Variants in MYSM1 observed in about 807,000 individuals in gnomAD.
The protein encoded by MYSM1 is Myb like, SWIRM and MPN domains 1, also known as deubiquitinase MYSM1.
In MYSM1, 51 loss-of-function variants were observed where a neutral mutation model predicts 116.0. That is an observed-to-expected ratio of 0.44 (90% CI 0.35 to 0.56). MYSM1 has a LOEUF of 0.56. Ranked by LOEUF, MYSM1 falls within the 20% of genes least tolerant of loss-of-function variation. MYSM1 has a pLI of 0.00. For synonymous variants in MYSM1, 313 were observed against 315.2 expected (o/e 0.99, Z 0.07); for missense variants, 900 against 974.9 (o/e 0.92, Z 1.02).
At chr1:58,680,840 G>A (rs1423587750) in intron 8 of MYSM1, among the ~76,000 whole-genome samples, 1 of 100,434 alleles carries the variant, frequency 1.0e-5, no homozygotes, top group African/African-American at 3.7e-5. Flanking sequence ...TTTTTTTTTT[G>A]AGATGAAGTC....
Position 58,689,114 on chromosome 1 carries a change from AC to A in MYSM1, c.322del (p.Val108TyrfsTer12). On this transcript the variant is annotated frameshift_variant and splice_region_variant, in exon 6 of 20. Coordinates refer to ENST00000472487, the MANE Select transcript of MYSM1 (RefSeq NM_001085487.3). LOFTEE classifies it high-confidence loss of function. ...KSLQKTAKIMVHSPTKPASYS... is the reference protein window; with the variant it reads ...KSLQKTAKIMXHSPTKPASYS... ...ACTGGCTGGTTTTGTAGGAGAGTGT[AC>A]CCTGAGGGGAAAAAAAGGAATTGCA... 1 of 1,590,468 alleles carries A rather than the reference AC, an allele frequency of 6.3e-7. No homozygotes were observed. Among genetic ancestry groups the A allele is most frequent in the Non-Finnish European group, 8.5e-7 (1 of 1,174,466 alleles).
At position 58,676,989 on chromosome 1, in the gene MYSM1, C is replaced by T; in HGVS notation, c.1327G>A (p.Val443Ile). ...GTATGAATCCGTCCAATACAATTAACATCTCCACAGTTCTTCAGGCCAGGA... is the reference window on the plus strand; with the variant it reads ...GTATGAATCCGTCCAATACAATTAATATCTCCACAGTTCTTCAGGCCAGGA... ...VRPGLKNCGD[V>I]NCIGRIHTYL... The change falls in exon 9 of 20, where the codon GTT becomes ATT. Residue 443 changes from valine to isoleucine, a missense_variant. Val to Ile is a conservative substitution (Grantham distance 29). This residue lies in a region of MYSM1 where 622 missense variants were observed against 623.7 expected (regional missense o/e 1.00). Coordinates refer to ENST00000472487, the MANE Select transcript of MYSM1 (RefSeq NM_001085487.3). The T allele has an allele frequency of 1.2e-6, 2 of 1,612,376 alleles. No individual in the cohort carries two copies. Among genetic ancestry groups the T allele is most frequent in the Non-Finnish European group, 1.7e-6 (2 of 1,179,200 alleles).
At chr1:58,660,600 C>CA (rs369913628) in intron 19 of MYSM1, among the ~76,000 whole-genome samples, 50 of 151,916 alleles carry the variant, frequency 3.3e-4, no homozygotes, top group African/African-American at 1.1e-3. Context: ...CAACAACACA[C>CA]AAAAAACTGG....
intron 2 of MYSM1, 134 bp from the exon 3 acceptor site, chr1:58,693,065 T>C (rs926801344): frequency 3.0e-6 from 2 of 663,682 alleles, no homozygotes; most frequent in African/African-American, 1.9e-5. Flanking sequence ...AGACATATTT[T>C]TGATTACCAC....
chr1:58,681,717 T>C, intron 8 of MYSM1, 68 bp downstream of exon 8: 1 of 1,407,546 alleles, frequency 7.1e-7, no homozygotes, highest in Non-Finnish European at 9.5e-7. Context: ...AAATTCTGTA[T>C]AGGCCTAATT....
intron 2 of MYSM1, among the ~76,000 whole-genome samples, chr1:58,694,282 T>G (rs10489540): frequency 6.6e-5 from 10 of 152,108 alleles, no homozygotes; most frequent in Middle Eastern, 3.4e-3. Context: ...GTAGTCGTAT[T>G]CTCCAAGCCT....
Position 58,689,108 on chromosome 1 carries a change from G to C in MYSM1, c.329C>G (p.Ser110Cys), listed in dbSNP as rs1203219415. ...LQKTAKIMVH[S>C]PTKPASYSVK... ...TGAGTAACTGGCTGGTTTTGTAGGA[G>C]AGTGTACCCTGAGGGGAAAAAAAGG... is the stretch of plus-strand genomic sequence containing the variant. The change falls in exon 6 of 20, where the codon TCT (serine) becomes TGT (cysteine). Residue 110 changes from serine (S) to cysteine (C), a missense_variant. Transcript: ENST00000472487. The C allele has an allele frequency of 1.3e-6, 2 of 1,599,686 alleles. No homozygotes were observed. Among genetic ancestry groups the C allele is most frequent in the Middle Eastern group, 3.3e-4 (2 of 6,012 alleles).
intron 18 of MYSM1, 82 bp from the exon 19 acceptor site, chr1:58,661,309 A>G (rs1230925792): frequency 7.5e-7 from 1 of 1,325,174 alleles, no homozygotes; most frequent in Non-Finnish European, 1.1e-6. Flanking sequence ...CACGGATGCC[A>G]TACATCACAA....
rs1030654515 is a variant in MYSM1 at position 58,676,968 on chromosome 1, G to A, written c.1348C>T (p.His450Tyr). ...CGDVNCIGRI[H>Y]TYLELIGAIN... ...GCTCCTATCAATTCGAGGTATGTATGAATCCGTCCAATACAATTAACATCT... is the reference window on the plus strand; with the variant it reads ...GCTCCTATCAATTCGAGGTATGTATAAATCCGTCCAATACAATTAACATCT... The change falls in exon 9 of 20, where the codon CAT becomes TAT. Residue 450 changes from histidine to tyrosine, a missense_variant. Transcript: ENST00000472487. 6.2e-6 allele frequency: 10 copies of A among 1,612,450 alleles called. No homozygotes were observed. The highest frequency in any genetic ancestry group is 1.1e-5 in the South Asian group (1 of 90,936).
chr1:58,694,351 G>A (rs775825884), intron 2 of MYSM1, among the ~76,000 whole-genome samples: 6 of 152,154 alleles, frequency 3.9e-5, no homozygotes, highest in Admixed American at 3.9e-4. Context: ...GGCCGGGCGC[G>A]GTGGCTCACG....
intron 2 of MYSM1, among the ~76,000 whole-genome samples, chr1:58,693,816 T>G (rs944384868): frequency 6.6e-6 from 1 of 152,196 alleles, no homozygotes; most frequent in African/African-American, 2.4e-5. Context: ...AATTTGCTAA[T>G]CTCTATTAAA....
chr1:58,675,265 C>T (rs1019867981), intron 10 of MYSM1, among the ~76,000 whole-genome samples: 3 of 152,140 alleles, frequency 2.0e-5, no homozygotes, highest in African/African-American at 7.2e-5. Flanking sequence ...TTTGCTAGTA[C>T]ATTTTAAGGG....
chr1:58,691,161 T>C (rs891250285), intron 3 of MYSM1, among the ~76,000 whole-genome samples: 1 of 151,422 alleles, frequency 6.6e-6, no homozygotes, highest in Non-Finnish European at 1.5e-5. Flanking sequence ...GCGCCTGTAG[T>C]CCCAGCTACT....
intron 11 of MYSM1, among the ~76,000 whole-genome samples, chr1:58,672,213 C>A (rs1644572779): frequency 6.6e-6 from 1 of 152,154 alleles, no homozygotes; most frequent in Non-Finnish European, 1.5e-5. Flanking sequence ...TGGTACCAGT[C>A]ACCCAGGTTC....
chr1:58,669,857 A>AC (rs150341326), intron 12 of MYSM1, among the ~76,000 whole-genome samples: 17,204 of 84,608 alleles, frequency 0.2, 5,248 homozygotes, highest in South Asian at 0.29. Context: ...AAAAAAAAAA[A>AC]AAAAACAAAA....
intron 2 of MYSM1, among the ~76,000 whole-genome samples, chr1:58,693,170 T>C (rs1644926522): frequency 6.6e-6 from 1 of 152,196 alleles, no homozygotes; most frequent in African/African-American, 2.4e-5. Flanking sequence ...CCTGAGTCTG[T>C]TGGATTCCCA....
At chr1:58,672,167 A>C (rs575581987) in intron 11 of MYSM1, among the ~76,000 whole-genome samples, 3 of 152,250 alleles carry the variant, frequency 2.0e-5, no homozygotes, top group Non-Finnish European at 2.9e-5. Context: ...CAAACTGAAA[A>C]TTTACTCCTT....
At chr1:58,676,074 T>C (rs1644645964) in intron 9 of MYSM1, among the ~76,000 whole-genome samples, 1 of 152,220 alleles carries the variant, frequency 6.6e-6, no homozygotes, top group East Asian at 1.9e-4. Context: ...TACAAGGTTT[T>C]ATGTACCTTA....
At position 58,669,054 on chromosome 1, in the gene MYSM1, A is replaced by T. The variant is rs377565938; in HGVS notation, c.1662-16T>A. The T allele has an allele frequency of 2.8e-5, 43 of 1,546,148 alleles. No individual in the cohort carries two copies. Among genetic ancestry groups the T allele is most frequent in the Non-Finnish European group, 3.6e-5 (41 of 1,137,090 alleles). Reference sequence around the variant, plus strand: ...ATCAAACGAGCTGAAAAAGAAAAAAAATTTTCAATACAATCTCAACAAGAT... The same window carrying T: ...ATCAAACGAGCTGAAAAAGAAAAAATATTTTCAATACAATCTCAACAAGAT... On this transcript the variant is annotated splice_polypyrimidine_tract_variant and intron_variant, in intron 12 of 19. Coordinates refer to ENST00000472487, the MANE Select transcript of MYSM1 (RefSeq NM_001085487.3).
Sources: allele counts gnomAD v4.1 joint callset (sites outside exome capture counted in the v4.1 genomes callset), GRCh38; gene constraint gnomAD v4.1.1; regional missense constraint gnomAD v4.1.1; transcripts MANE v1.5; gene names NCBI Gene and HGNC (gene_info 2026-07-23, HGNC 2026-07-21).